Variants in FGF14 observed in about 807,000 individuals in gnomAD.
FGF14 encodes the protein fibroblast growth factor homologous factor 4.
Under a neutral mutation model 25.5 loss-of-function variants are expected in FGF14, and 5 were observed. The ratio of observed to expected loss-of-function variants is 0.20; its 90% CI spans 0.10 to 0.41. FGF14 has a LOEUF of 0.41. Among genes scored for constraint, FGF14 ranks in the 10% least tolerant of loss-of-function variants. The pLI is 1.00. For missense variants in FGF14, 222 were observed against 320.1 expected (o/e 0.69, Z 2.34); for synonymous variants, 138 against 118.3 (o/e 1.17, Z -1.08).
intron 3 of FGF14, among the ~76,000 whole-genome samples, chr13:101,822,122 CCTTTT>C (rs989554594): frequency 1.8e-4 from 28 of 152,060 alleles, no homozygotes; most frequent in African/African-American, 5.6e-4. Flanking sequence ...CTTTTAGAAA[CCTTTT>C]CTTTGCCTTA....
intron 1 of FGF14, among the ~76,000 whole-genome samples, chr13:102,108,208 A>C (rs1040521212): frequency 3.9e-5 from 6 of 152,126 alleles, no homozygotes; most frequent in Admixed American, 1.3e-4. Context: ...CTATTGTATC[A>C]ATTTTGGAGA....
intron 3 of FGF14, among the ~76,000 whole-genome samples, chr13:101,843,973 T>C (rs532769072): frequency 1.1e-4 from 16 of 152,146 alleles, no homozygotes; most frequent in African/African-American, 3.8e-4. Context: ...AGACCTAAAA[T>C]TAATCCATAG....
intron 3 of FGF14, among the ~76,000 whole-genome samples, chr13:101,848,125 G>A (rs967387841): frequency 2.6e-5 from 4 of 151,960 alleles, no homozygotes; most frequent in African/African-American, 9.7e-5. Flanking sequence ...TATACCTCTT[G>A]AAAGGCTTAG....
chr13:102,176,160 G>A (rs1038402957), intron 1 of FGF14, among the ~76,000 whole-genome samples: 3 of 152,026 alleles, frequency 2.0e-5, no homozygotes, highest in African/African-American at 7.2e-5. Flanking sequence ...AAGCCATGAA[G>A]TCAACCTAAA....
At chr13:102,077,627 G>C (rs2043424302) in intron 1 of FGF14, among the ~76,000 whole-genome samples, 1 of 152,082 alleles carries the variant, frequency 6.6e-6, no homozygotes, top group Non-Finnish European at 1.5e-5. Flanking sequence ...TCAAAAAGAT[G>C]AAAGATAACA....
At chr13:101,805,548 G>A (rs2041146894) in intron 3 of FGF14, among the ~76,000 whole-genome samples, 2 of 152,032 alleles carry the variant, frequency 1.3e-5, no homozygotes, top group African/African-American at 4.8e-5. Flanking sequence ...GGCCATTAAG[G>A]GCACCAAACA....
chr13:101,824,495 A>C (rs1455830998), intron 3 of FGF14, among the ~76,000 whole-genome samples: 3 of 152,072 alleles, frequency 2.0e-5, no homozygotes, highest in Admixed American at 6.6e-5. Flanking sequence ...TTGATTTTTT[A>C]AATTACTATG....
intron 1 of FGF14, among the ~76,000 whole-genome samples, chr13:102,020,303 C>T (rs537050147): frequency 6.6e-6 from 1 of 152,120 alleles, no homozygotes; most frequent in East Asian, 1.9e-4. Context: ...AATCCCAGCA[C>T]TTTGGGAGGC....
At chr13:102,260,329 C>T (rs753223019) in intron 1 of FGF14, among the ~76,000 whole-genome samples, 1 of 152,176 alleles carries the variant, frequency 6.6e-6, no homozygotes, top group Admixed American at 6.5e-5. Flanking sequence ...GGAAACCCAA[C>T]CACGCTTTTT....
chr13:101,733,591 CAAAAAAAAAA>C (rs553475621), intron 3 of FGF14, among the ~76,000 whole-genome samples: 1 of 97,372 alleles, frequency 1.0e-5, no homozygotes, highest in Admixed American at 1.2e-4. Flanking sequence ...AAGACTCCAT[CAAAAAAAAAA>C]AAAAAAAAAA....
chr13:101,860,731 T>A (rs879328778), intron 3 of FGF14, among the ~76,000 whole-genome samples: 21 of 152,114 alleles, frequency 1.4e-4, no homozygotes, highest in Non-Finnish European at 2.9e-4. Context: ...CATGAGCCAC[T>A]GTGCCTAGCC....
chr13:102,023,019 T>C (rs1166623024), intron 1 of FGF14, among the ~76,000 whole-genome samples: 1 of 149,470 alleles, frequency 6.7e-6, no homozygotes, highest in African/African-American at 2.5e-5. Context: ...AGGAAAACTG[T>C]ACAAAAGTAG....
At chr13:101,875,710 A>G (rs889629901) in intron 1 of FGF14, among the ~76,000 whole-genome samples, 1 of 152,096 alleles carries the variant, frequency 6.6e-6, no homozygotes, top group South Asian at 2.1e-4. Context: ...TTCTCCTTTT[A>G]CTTAAGTTGA....
intron 3 of FGF14, among the ~76,000 whole-genome samples, chr13:101,822,565 T>A (rs547569282): frequency 4.4e-4 from 67 of 152,018 alleles, no homozygotes; most frequent in African/African-American, 1.4e-3. Flanking sequence ...TGAAGAGATA[T>A]AACATCTTAA....
chr13:102,118,693 T>C (rs966724805), intron 1 of FGF14, among the ~76,000 whole-genome samples: 2 of 152,138 alleles, frequency 1.3e-5, no homozygotes, highest in African/African-American at 4.8e-5. Flanking sequence ...TAGTATTCTA[T>C]CATATATGTA....
At chr13:101,959,535 A>G (rs1201885627) in intron 1 of FGF14, among the ~76,000 whole-genome samples, 1 of 152,114 alleles carries the variant, frequency 6.6e-6, no homozygotes, top group East Asian at 1.9e-4. Flanking sequence ...TATTTCCTCA[A>G]CATGCACTGT....
At chr13:102,057,873 A>C (rs1856519034) in intron 1 of FGF14, among the ~76,000 whole-genome samples, 1 of 152,216 alleles carries the variant, frequency 6.6e-6, no homozygotes, top group South Asian at 2.1e-4. Flanking sequence ...AAGTGTCTTA[A>C]TTTCTCCAAG....
intron 1 of FGF14, among the ~76,000 whole-genome samples, chr13:102,026,998 T>C (rs181550215): frequency 1.3e-5 from 2 of 151,982 alleles, no homozygotes; most frequent in Non-Finnish European, 2.9e-5. Context: ...CTCATAAACC[T>C]AAAGGGGCTG....
At position 101,717,352 on chromosome 13, in the gene FGF14, G is replaced by A. The variant is rs2034764411; in HGVS notation, c.*5479C>T. On this transcript the variant is annotated 3_prime_UTR_variant, in exon 5 of 5. Coordinates refer to ENST00000376143, the MANE Select transcript of FGF14 (RefSeq NM_004115.4). ...GATTAAGGAGTGCAACCATGTTGTA[G>A]TTCTATTATTGAGTACGTAAATTGA... 1 of 152,056 alleles carries A rather than the reference G, an allele frequency of 6.6e-6. No homozygotes were observed. Among genetic ancestry groups the A allele is most frequent in the Non-Finnish European group, 1.5e-5 (1 of 68,010 alleles). 9.4% of individuals were successfully genotyped at this position (152,056 alleles called of 1,614,324 possible). A position where few individuals can be genotyped will look rare whatever the true frequency, so the allele number is the denominator to read the frequency against.
Sources: gnomAD v4.1 joint callset for allele counts (sites outside exome capture counted in the v4.1 genomes callset) on GRCh38, gnomAD v4.1.1 for gene constraint, MANE v1.5 for transcripts, NCBI Gene and HGNC (gene_info 2026-07-23, HGNC 2026-07-21) for gene names.